The following GLRX3 variants were observed in gnomAD, a reference collection of about 807,000 sequenced individuals.
The protein encoded by GLRX3 is glutaredoxin 3, also known as glutaredoxin-3.
A neutral mutation model predicts 49.5 loss-of-function variants in GLRX3; 22 were observed. The observed-to-expected ratio is 0.44, with a 90% confidence interval of 0.32 to 0.63. GLRX3 has a LOEUF of 0.63. Among genes scored for constraint, GLRX3 ranks in the 30% least tolerant of loss-of-function variants. GLRX3 has a pLI of 0.05. For missense variants in GLRX3, 385 were observed against 396.3 expected (o/e 0.97, Z 0.24); for synonymous variants, 133 against 140.0 (o/e 0.95, Z 0.35).
At chr10:130,143,554 G>C (rs1485697220) in intron 1 of GLRX3, among the ~76,000 whole-genome samples, 1 of 151,304 alleles carries the variant, frequency 6.6e-6, no homozygotes, top group Non-Finnish European at 1.5e-5. Flanking sequence ...TTTTTAAATG[G>C]GTCTTGCTCT....
intron 10 of GLRX3, among the ~76,000 whole-genome samples, chr10:130,177,173 C>T (rs896131195): frequency 6.6e-6 from 1 of 152,172 alleles, no homozygotes; most frequent in East Asian, 1.9e-4. Context: ...ATGGTCTAAT[C>T]TGGCTGGCCT....
chr10:130,148,470 A>C (rs1862310575), intron 2 of GLRX3, among the ~76,000 whole-genome samples: 1 of 117,438 alleles, frequency 8.5e-6, no homozygotes, highest in Admixed American at 1.1e-4. Flanking sequence ...TAATGATGAA[A>C]TGGTTTGGCA....
chr10:130,154,521 T>C (rs927494416), intron 2 of GLRX3, among the ~76,000 whole-genome samples: 4 of 152,316 alleles, frequency 2.6e-5, no homozygotes, highest in African/African-American at 9.6e-5. Flanking sequence ...TGTTTTGAAA[T>C]TTATATTTGG....
chr10:130,178,194 C>T (rs904484368), intron 10 of GLRX3, among the ~76,000 whole-genome samples: 1 of 152,044 alleles, frequency 6.6e-6, no homozygotes, highest in African/African-American at 2.4e-5. Flanking sequence ...AGTGGAAGAA[C>T]GGGAGGGGAA....
chr10:130,166,733 T>C (rs1862698980), intron 5 of GLRX3, 54 bp downstream of exon 5: 1 of 1,250,790 alleles, frequency 8.0e-7, no homozygotes, highest in South Asian at 1.3e-5. Flanking sequence ...GAGCATACTT[T>C]TTAAAATGTT....
chr10:130,151,279 TG>T (rs1246665831), intron 2 of GLRX3, among the ~76,000 whole-genome samples: 3 of 152,200 alleles, frequency 2.0e-5, no homozygotes, highest in African/African-American at 7.2e-5. Context: ...TGTGCTATCT[TG>T]GTAATTAAAA....
chr10:130,144,393 A>C (rs1357350318), intron 1 of GLRX3, among the ~76,000 whole-genome samples: 1 of 151,286 alleles, frequency 6.6e-6, no homozygotes, highest in South Asian at 2.1e-4. Flanking sequence ...TGCACCTATC[A>C]ACCCATCATC....
At chr10:130,170,723 A>G (rs991750890) in intron 7 of GLRX3, among the ~76,000 whole-genome samples, 1 of 152,242 alleles carries the variant, frequency 6.6e-6, no homozygotes, top group African/African-American at 2.4e-5. Context: ...TGGGGCTATT[A>G]AAATGTTGAC....
At chr10:130,137,962 C>G (rs1449890945) in intron 1 of GLRX3, among the ~76,000 whole-genome samples, 1 of 152,160 alleles carries the variant, frequency 6.6e-6, no homozygotes, top group Non-Finnish European at 1.5e-5. Flanking sequence ...TCTCGACCTT[C>G]TGGACTCGAG....
chr10:130,137,213 C>G (rs928344964), intron 1 of GLRX3, among the ~76,000 whole-genome samples: 1 of 152,152 alleles, frequency 6.6e-6, no homozygotes, highest in African/African-American at 2.4e-5. Flanking sequence ...GATTTGGCGC[C>G]GGTGTCCAGG....
intron 1 of GLRX3, among the ~76,000 whole-genome samples, chr10:130,140,111 A>G (rs927536940): frequency 1.3e-5 from 2 of 152,250 alleles, no homozygotes; most frequent in African/African-American, 4.8e-5. Context: ...CAATGGGGTT[A>G]TTAATATCCA....
At chr10:130,178,216 T>G (rs562176051) in intron 10 of GLRX3, among the ~76,000 whole-genome samples, 5 of 152,280 alleles carry the variant, frequency 3.3e-5, no homozygotes, top group South Asian at 4.2e-4. Flanking sequence ...AAGCATCATA[T>G]TTGAGTAGAC....
intron 2 of GLRX3, among the ~76,000 whole-genome samples, chr10:130,155,064 C>A (rs892443021): frequency 6.6e-6 from 1 of 152,012 alleles, no homozygotes; most frequent in African/African-American, 2.4e-5. Context: ...CCCAAACTTC[C>A]GAGCTCAAGC....
Position 130,150,295 on chromosome 10 carries a change from A to G in GLRX3, c.201+4976A>G, listed in dbSNP as rs573538702. ...GAAAAAAATGACTTTCCTTTGTTCGAATGGCTCTTGCTTTCCATGCAAGCC... is the reference window on the plus strand; with the variant it reads ...GAAAAAAATGACTTTCCTTTGTTCGGATGGCTCTTGCTTTCCATGCAAGCC... On this transcript the variant is annotated intron_variant, in intron 2 of 10. Coordinates refer to ENST00000331244, the MANE Select transcript of GLRX3 (RefSeq NM_006541.5). Among the ~76,000 whole-genome samples, 47 of 151,988 alleles carry G rather than the reference A, an allele frequency of 3.1e-4. 2 individuals are homozygous for G. In the East Asian group the frequency reaches 8.9e-3, roughly 29 times the overall value.
chr10:130,161,676 T>C (rs1417506537), intron 4 of GLRX3, among the ~76,000 whole-genome samples: 2 of 152,216 alleles, frequency 1.3e-5, no homozygotes, highest in Non-Finnish European at 2.9e-5. Flanking sequence ...TGGGTTTATG[T>C]TATTTTCTTT....
At chr10:130,152,683 T>A (rs1862400606) in intron 2 of GLRX3, among the ~76,000 whole-genome samples, 1 of 152,226 alleles carries the variant, frequency 6.6e-6, no homozygotes, top group Admixed American at 6.5e-5. Context: ...GTTAGTCTGA[T>A]AGCCTTCCCT....
chr10:130,150,524 A>T (rs530080108), intron 2 of GLRX3, among the ~76,000 whole-genome samples: 27 of 152,306 alleles, frequency 1.8e-4, no homozygotes, highest in Admixed American at 1.3e-3. Context: ...TTTTCATTGT[A>T]ATTTAAAATA....
chr10:130,151,528 C>G (rs1478472598), intron 2 of GLRX3, among the ~76,000 whole-genome samples: 1 of 152,062 alleles, frequency 6.6e-6, no homozygotes, highest in African/African-American at 2.4e-5. Context: ...CTCAGCCCCC[C>G]ACCCTCCAAC....
At position 130,152,786 on chromosome 10, in the gene GLRX3, C is replaced by T. The variant is rs542228695; in HGVS notation, c.202-7209C>T. On this transcript the variant is annotated intron_variant, in intron 2 of 10. Transcript: ENST00000331244. Reference sequence around the variant, plus strand: ...ATCTGACAGTTATATGTCTTGGGGTCGCTCTTCTTGAGGAGTATATTTGTG... The same window carrying T: ...ATCTGACAGTTATATGTCTTGGGGTTGCTCTTCTTGAGGAGTATATTTGTG... Among the ~76,000 whole-genome samples the T allele has an allele frequency of 2.0e-3, 301 of 151,818 alleles. 1 individual carries two copies. Among genetic ancestry groups the T allele is most frequent in the Non-Finnish European group, 3.6e-3 (246 of 67,914 alleles).
Sources: gnomAD v4.1 joint callset for allele counts (sites outside exome capture counted in the v4.1 genomes callset) on GRCh38, gnomAD v4.1.1 for gene constraint, MANE v1.5 for transcripts, NCBI Gene and HGNC (gene_info 2026-07-23, HGNC 2026-07-21) for gene names.